The following DMD variants were observed in gnomAD, a reference collection of about 807,000 sequenced individuals.
The protein encoded by DMD is mutant dystrophin.
Under a neutral mutation model 330.1 loss-of-function variants are expected in DMD, and 63 were observed. The ratio of observed to expected loss-of-function variants is 0.19; its 90% confidence interval spans 0.16 to 0.24. DMD has a LOEUF of 0.24. Ranked by LOEUF, DMD falls within the 10% of genes least tolerant of loss-of-function variation. The pLI is 1.00. For missense variants in DMD, 3,344 were observed against 2,684.1 expected, an observed-to-expected ratio of 1.25 and a Z score of -5.43; for synonymous variants, 1,223 against 959.8, an observed-to-expected ratio of 1.27 and a Z score of -5.07.
intron 2 of DMD, among the ~76,000 whole-genome samples, chrX:32,899,996 A>T (rs2086098426): frequency 8.9e-6 from 1 of 111,803 alleles, no homozygotes; most frequent in South Asian, 3.7e-4. Context: ...AAGTTTGTGA[A>T]CCACTGGGCT....
At chrX:32,000,845 C>T (rs2095621442) in intron 44 of DMD, among the ~76,000 whole-genome samples, 1 of 111,676 alleles carries the variant, frequency 9.0e-6, no homozygotes, top group South Asian at 3.7e-4. Context: ...CATTATACTG[C>T]ATTTCTAACA....
At chrX:31,144,761 G>A (rs2036489801) in intron 76 of DMD, among the ~76,000 whole-genome samples, 1 of 111,523 alleles carries the variant, frequency 9.0e-6, no homozygotes, top group African/African-American at 3.3e-5. Flanking sequence ...TAAGGAGAGA[G>A]GATGGAGCTG....
intron 55 of DMD, among the ~76,000 whole-genome samples, chrX:31,554,737 T>C (rs1446206682): frequency 8.9e-5 from 10 of 112,216 alleles, no homozygotes; most frequent in African/African-American, 2.3e-4. Context: ...TTTCATTAAA[T>C]ATTTATTATG....
chrX:31,629,157 A>T (rs1483849709), intron 54 of DMD, among the ~76,000 whole-genome samples: 1 of 111,448 alleles, frequency 9.0e-6, no homozygotes, highest in Non-Finnish European at 1.9e-5. Context: ...TAAGCTAAAA[A>T]TGGATTTTAA....
At chrX:33,280,317 A>G (rs2053309451) in intron 1 of DMD, among the ~76,000 whole-genome samples, 1 of 112,130 alleles carries the variant, frequency 8.9e-6, no homozygotes, top group Non-Finnish European at 1.9e-5. Flanking sequence ...TTGCATAGCA[A>G]AAGTTTTTTA....
At chrX:32,616,690 CTTTTTT>C (rs1173392895) in intron 11 of DMD, among the ~76,000 whole-genome samples, 63 of 60,223 alleles carry the variant, frequency 1.0e-3, no homozygotes, top group African/African-American at 4.7e-3. Flanking sequence ...GTTCTGGTTC[CTTTTTT>C]TTTTTTTTTT....
intron 51 of DMD, among the ~76,000 whole-genome samples, chrX:31,752,085 G>A (rs1165520419): frequency 9.0e-6 from 1 of 111,429 alleles, no homozygotes; most frequent in African/African-American, 3.3e-5. Flanking sequence ...TCTCTCTTAG[G>A]AGGACTCTTG....
chrX:31,765,070 ATGCAGCCATTACTACCTTGGAAATTAC>A (rs1485986844), intron 51 of DMD, among the ~76,000 whole-genome samples: 5 of 110,641 alleles, frequency 4.5e-5, no homozygotes, highest in Non-Finnish European at 9.5e-5. Flanking sequence ...TTCAAAAACA[ATGCAGCCATTACTACCTTGGAAATTAC>A]TGATCAATTC....
intron 2 of DMD, among the ~76,000 whole-genome samples, chrX:32,941,600 A>G (rs1569544451): frequency 9.0e-6 from 1 of 111,291 alleles, no homozygotes. Flanking sequence ...GGAGCTATAT[A>G]TTGGGTACTC....
chrX:31,259,070 C>G (rs1276832445), intron 63 of DMD, among the ~76,000 whole-genome samples: 1 of 111,247 alleles, frequency 9.0e-6, no homozygotes, highest in Non-Finnish European at 1.9e-5. Flanking sequence ...AGTGGGGTTA[C>G]GAATGATTTG....
At chrX:31,276,184 G>A (rs1350230251) in intron 62 of DMD, among the ~76,000 whole-genome samples, 1 of 111,604 alleles carries the variant, frequency 9.0e-6, no homozygotes, top group African/African-American at 3.3e-5. Context: ...AGCCTCCCAA[G>A]TAGCTGGGAT....
chrX:32,809,452 C>A, intron 7 of DMD, 41 bp downstream of exon 7: 5 of 1,071,271 alleles, frequency 4.7e-6, no homozygotes, highest in Non-Finnish European at 5.2e-6. Context: ...ACATTAAACT[C>A]TACCATACTA....
intron 9 of DMD, among the ~76,000 whole-genome samples, chrX:32,650,071 T>A (rs969436277): frequency 5.4e-5 from 6 of 111,096 alleles, no homozygotes; most frequent in Non-Finnish European, 1.1e-4. Flanking sequence ...TTTGGGCAAT[T>A]CAAACTGAGA....
chrX:32,451,825 C>T (rs774770867), intron 26 of DMD, among the ~76,000 whole-genome samples: 2 of 110,595 alleles, frequency 1.8e-5, no homozygotes, highest in Admixed American at 9.6e-5. Context: ...AGGCTGAAAA[C>T]TCAAGAAATG....
chrX:32,749,601 T>C (rs770048840), intron 7 of DMD, among the ~76,000 whole-genome samples: 2 of 112,577 alleles, frequency 1.8e-5, no homozygotes, highest in African/African-American at 3.2e-5. Context: ...AAAGAATGAA[T>C]GGAAATGAAG....
chrX:32,118,936 C>T (rs910841337), intron 44 of DMD, among the ~76,000 whole-genome samples: 2 of 110,986 alleles, frequency 1.8e-5, no homozygotes, highest in Non-Finnish European at 3.8e-5. Context: ...AATCTAATAC[C>T]GCTGCTGAGC....
chrX:32,089,146 G>T (rs369475883), intron 44 of DMD, among the ~76,000 whole-genome samples: 2 of 110,949 alleles, frequency 1.8e-5, no homozygotes, highest in South Asian at 7.6e-4. Flanking sequence ...AGCCATCATC[G>T]CAGGCAAGAC....
intron 61 of DMD, among the ~76,000 whole-genome samples, chrX:31,333,667 A>G (rs975647853): frequency 1.8e-5 from 2 of 109,698 alleles, no homozygotes; most frequent in Non-Finnish European, 3.8e-5. Context: ...AACTCACACC[A>G]TAAATGAGCT....
chrX:31,825,335 C>T (rs1284370300), intron 49 of DMD, among the ~76,000 whole-genome samples: 1 of 111,541 alleles, frequency 9.0e-6, no homozygotes, highest in African/African-American at 3.3e-5. Flanking sequence ...CATCCTACAC[C>T]ATTTAATTTA....
Sources: allele counts gnomAD v4.1 joint callset (sites outside exome capture counted in the v4.1 genomes callset), GRCh38; gene constraint gnomAD v4.1.1; transcripts MANE v1.5; gene names NCBI Gene and HGNC (gene_info 2026-07-23, HGNC 2026-07-21).